The following GNE variants were observed in gnomAD, a reference collection of about 807,000 sequenced individuals.
GNE encodes glucosamine (UDP-N-acetyl)-2-epimerase/N-acetylmannosamine kinase, also known as bifunctional UDP-N-acetylglucosamine 2-epimerase/N-acetylmannosamine kinase.
Under a neutral mutation model 61.8 loss-of-function variants are expected in GNE, and 41 were observed. That is an observed-to-expected ratio of 0.66 (90% confidence interval 0.52 to 0.86). GNE has a LOEUF of 0.86. GNE is among the 40% of genes least tolerant of loss of function. The pLI, the probability that GNE is intolerant of heterozygous loss-of-function variation, is 0.00. For missense variants in GNE, 608 were observed against 909.1 expected (o/e 0.67, Z 4.26); for synonymous variants, 264 against 326.4 (o/e 0.81, Z 2.06).
chr9:36,270,647 A>G (rs1023491257), intron 1 of GNE, among the ~76,000 whole-genome samples: 4 of 151,458 alleles, frequency 2.6e-5, no homozygotes, highest in Non-Finnish European at 5.9e-5. Context: ...CCTCCCGAGT[A>G]GCTGGGACTG....
At chr9:36,249,439 C>T in intron 1 of GNE, 42 bp from the exon 2 acceptor site, 1 of 1,234,284 alleles carries the variant, frequency 8.1e-7, no homozygotes, top group Non-Finnish European at 1.2e-6. Flanking sequence ...AGAATAACTC[C>T]TAGATATAAC....
chr9:36,245,229 A>C lies in GNE; in HGVS notation c.616+802T>G, dbSNP rs148219379. Among the ~76,000 whole-genome samples, 298 of 152,220 alleles carry C rather than the reference A, an allele frequency of 2.0e-3. 5 individuals carry two copies. The East Asian group carries it at 0.052, about 27-fold the overall frequency. On this transcript the variant is annotated intron_variant, in intron 3 of 11. Transcript: ENST00000642385. ...CAGTGAGCCGAGATTGTGCCACTGC[A>C]CTCCAACCTGGATGACAGAGCAAGA...
chr9:36,226,064 TTTC>T (rs1828849831), intron 7 of GNE, among the ~76,000 whole-genome samples: 1 of 152,328 alleles, frequency 6.6e-6, no homozygotes, highest in Non-Finnish European at 1.5e-5. Flanking sequence ...ACATCTTTCT[TTTC>T]TTCTTGATTT....
At chr9:36,247,291 G>A (rs1198970482) in intron 2 of GNE, among the ~76,000 whole-genome samples, 2 of 151,952 alleles carry the variant, frequency 1.3e-5, no homozygotes, top group Non-Finnish European at 2.9e-5. Flanking sequence ...TCTTGACCTC[G>A]TGATCCGCCC....
rs370047049 is a variant in GNE, at chr9:36,225,613, C to T, written c.1281+1635G>A. 2.5e-4 allele frequency among the ~76,000 whole-genome samples: 38 copies of T among 152,182 alleles called. 1 individual carries two copies. The East Asian group carries it at 4.8e-3, about 19-fold the overall frequency. On this transcript the variant is annotated intron_variant, in intron 7 of 11. Transcript: ENST00000642385. ...TCACGCCACTGCACTCCAGCCTGGG[C>T]GACAGAGCAAGACTCAGTCTCAAAA...
At chr9:36,261,250 G>T (rs1249655185), upstream of GNE, among the ~76,000 whole-genome samples, 6 of 152,098 alleles carry the variant, frequency 3.9e-5, no homozygotes, top group African/African-American at 1.4e-4. Flanking sequence ...ATGGTCACAG[G>T]TTCAGGGATT....
intron 1 of GNE, chr9:36,265,297 C>T (rs1366368427): frequency 6.9e-6 from 3 of 432,620 alleles, no homozygotes; most frequent in African/African-American, 6.1e-5. Context: ...TCCGTGGGGC[C>T]AAGAACCCCA....
intron 1 of GNE, chr9:36,276,843 TTC>T: frequency 7.1e-7 from 1 of 1,400,778 alleles, no homozygotes; most frequent in Non-Finnish European, 1.0e-6. Context: ...CCCCCTTTTT[TTC>T]TGATTGCAAT....
intron 7 of GNE, 76 bp from the exon 8 acceptor site, chr9:36,223,578 A>C: frequency 1.4e-6 from 2 of 1,471,296 alleles, no homozygotes; most frequent in Non-Finnish European, 1.9e-6. Context: ...GATCTTTTTC[A>C]TGACAAATTA....
chr9:36,219,370 C>T (rs766506547), intron 10 of GNE, among the ~76,000 whole-genome samples: 1 of 152,142 alleles, frequency 6.6e-6, no homozygotes, highest in Non-Finnish European at 1.5e-5. Flanking sequence ...TTCTCTCCTG[C>T]ACTCTCGGCC....
rs142836733 is a variant in GNE at position 36,222,997 on chromosome 9, G to A, written c.1413C>T (p.Gly471=). 14 of 1,612,716 alleles carry A rather than the reference G, an allele frequency of 8.7e-6. No homozygotes were observed. In the African/African-American group the frequency reaches 1.9e-4, roughly 21 times the overall value. Residue 471 remains glycine, a splice_region_variant and synonymous_variant, in exon 9 of 12, where the codon GGC becomes GGT. Coordinates refer to ENST00000642385, the MANE Select transcript of GNE (RefSeq NM_005476.7). ...VKLNCRILGV[G]ISTGGRVNPR... ...GATTTACACGGCCACCTGTGGAAATGCCTGCGCTCCACCACAAACACAAGG... is the reference window on the plus strand; with the variant it reads ...GATTTACACGGCCACCTGTGGAAATACCTGCGCTCCACCACAAACACAAGG...
At chr9:36,235,860 A>G (rs534458543) in intron 4 of GNE, among the ~76,000 whole-genome samples, 47 of 152,356 alleles carry the variant, frequency 3.1e-4, no homozygotes, top group African/African-American at 1.0e-3. Flanking sequence ...TAAGAACTCA[A>G]CAATGAGTGG....
intron 3 of GNE, among the ~76,000 whole-genome samples, chr9:36,237,952 G>C (rs1239073126): frequency 6.6e-6 from 1 of 152,020 alleles, no homozygotes; most frequent in East Asian, 1.9e-4. Flanking sequence ...TAGAATAATA[G>C]TGTCCAGTCT....
intron 2 of GNE, among the ~76,000 whole-genome samples, chr9:36,248,370 A>G (rs1423197907): frequency 6.7e-6 from 1 of 149,710 alleles, no homozygotes; most frequent in Non-Finnish European, 1.5e-5. Context: ...GCTGGAGTGC[A>G]GTGGTGTGAT....
Position 36,246,457 on chromosome 9 carries a change from CT to C in GNE, c.189del (p.Asp64MetfsTer13), listed in dbSNP as rs1331496567. ...AGCCTGGTGTTAATGTCAAAGTCAT[CT>C]TGTTCAATCATTCGATATGTATTTC... Reference protein sequence around the residue: ...DYGNTYRMIEQDDFDINTRLH... With the variant: ...DYGNTYRMIEXDDFDINTRLH... On this transcript the variant is annotated frameshift_variant, in exon 3 of 12. Transcript: ENST00000642385. LOFTEE classifies it high-confidence loss of function. 6.2e-7 allele frequency: 1 copy of C among 1,613,254 alleles called. No homozygotes were observed. Among genetic ancestry groups the C allele is most frequent in the Non-Finnish European group, 8.5e-7 (1 of 1,179,498 alleles).
intron 7 of GNE, among the ~76,000 whole-genome samples, 157 bp from the exon 8 acceptor site, chr9:36,223,659 C>T (rs1029110916): frequency 6.6e-6 from 1 of 152,156 alleles, no homozygotes; most frequent in Non-Finnish European, 1.5e-5. Flanking sequence ...TGGTCTGGGC[C>T]AGCCCTGGGG....
chr9:36,258,177 G>T, intron 1 of GNE, 144 bp downstream of exon 1: 1 of 280,170 alleles, frequency 3.6e-6, no homozygotes, highest in Non-Finnish European at 5.4e-6. Flanking sequence ...CATTGGGCGA[G>T]AGCCGGGTCC....
At chr9:36,238,362 A>G (rs1247787141) in intron 3 of GNE, among the ~76,000 whole-genome samples, 2 of 152,186 alleles carry the variant, frequency 1.3e-5, no homozygotes, top group Non-Finnish European at 2.9e-5. Flanking sequence ...TTACATTCAC[A>G]CCAGCAGTGT....
Position 36,238,940 on chromosome 9 carries a change from C to T in GNE, c.617-1956G>A, listed in dbSNP as rs1829521077. ...AGAGATGAGGATCCAGTTTCATTCT[C>T]CTACATGTGGCCAGCGAATTATCCC... is the stretch of plus-strand genomic sequence containing the variant. On this transcript the variant is annotated intron_variant, in intron 3 of 11. Coordinates refer to ENST00000642385, the MANE Select transcript of GNE (RefSeq NM_005476.7). Among the ~76,000 whole-genome samples the T allele has an allele frequency of 2.0e-5, 3 of 152,266 alleles. No homozygotes were observed. In the South Asian group the frequency reaches 6.2e-4, roughly 32 times the overall value.
Sources: allele counts gnomAD v4.1 joint callset (sites outside exome capture counted in the v4.1 genomes callset), GRCh38; gene constraint gnomAD v4.1.1; transcripts MANE v1.5; gene names NCBI Gene and HGNC (gene_info 2026-07-23, HGNC 2026-07-21).